Variants in TTLL12 observed in about 807,000 individuals in gnomAD.
TTLL12 encodes the protein tubulin tyrosine ligase like 12.
TTLL12 carries 77 observed loss-of-function variants against 79.6 expected under a neutral mutation model. The observed-to-expected ratio is 0.97, with a 90% CI of 0.81 to 1.17. The LOEUF is 1.17. Among genes scored for constraint, TTLL12 ranks in the 50% most tolerant of loss-of-function variants. The probability of loss-of-function intolerance (pLI) is 0.00; values close to 1 mark genes in which losing one functional copy is unlikely to be tolerated. For missense variants in TTLL12, 969 were observed against 895.9 expected, an observed-to-expected ratio of 1.08 and a Z score of -1.04; for synonymous variants, 437 against 376.1, an observed-to-expected ratio of 1.16 and a Z score of -1.87.
chr22:43,175,476 G>C (rs925766194), intron 6 of TTLL12: 2 of 152,212 alleles, frequency 1.3e-5, no homozygotes, highest in African/African-American at 4.8e-5. Flanking sequence ...CGGTTTCCAG[G>C]ACTGGATGAG....
rs60700368 is a variant in TTLL12, at chr22:43,167,657, A to AC, written c.*350dup. The AC allele has an allele frequency of 0.023, 4,880 of 208,420 alleles. 152 individuals are homozygous for AC. Among genetic ancestry groups the AC allele is most frequent in the African/African-American group, 0.074 (3,227 of 43,352 alleles). The allele number at this position is 208,420 out of a possible 1,614,324, so 12.9% of individuals were successfully genotyped here. ...CGCTCCACGGAACCCTTCCCCCAGC[A>AC]CCCCCTGGAAACACAGCAGCCAGGA... On this transcript the variant is annotated 3_prime_UTR_variant, in exon 14 of 14. Transcript: ENST00000216129.
Position 43,166,875 on chromosome 22 carries a change from G to A in TTLL12, c.*1133C>T, listed in dbSNP as rs1601764008. 5.0e-6 allele frequency: 1 copy of A among 200,684 alleles called. No individual in the cohort carries two copies. Among genetic ancestry groups the A allele is most frequent in the Non-Finnish European group, 9.3e-6 (1 of 107,432 alleles). The allele number at this position is 200,684 out of a possible 1,614,324, so 12.4% of individuals were successfully genotyped here. On this transcript the variant is annotated 3_prime_UTR_variant, in exon 14 of 14. Coordinates refer to ENST00000216129, the MANE Select transcript of TTLL12 (RefSeq NM_015140.4). Reference sequence around the variant, plus strand: ...TTCTTAATTTCAAAGAGGAGACACCGCTACACCTAGCCCTGCCCTCCCATG... The same window carrying A: ...TTCTTAATTTCAAAGAGGAGACACCACTACACCTAGCCCTGCCCTCCCATG...
Position 43,179,767 on chromosome 22 carries a change from G to GCGTGCCC in TTLL12, c.707-16_707-15insGGGCACG, listed in dbSNP as rs1932005462. ...GGTCACCTCCTCTGTGCCAAGACAT[G>GCGTGCCC]AGTGCCCATCAGAGGGGGTGACGGG... On this transcript the variant is annotated splice_polypyrimidine_tract_variant and intron_variant, in intron 4 of 13. Transcript: ENST00000216129. 6.4e-7 allele frequency: 1 copy of GCGTGCCC among 1,557,924 alleles called. No homozygotes were observed. The highest frequency in any genetic ancestry group is 1.2e-5 in the South Asian group (1 of 84,750).
intron 10 of TTLL12, 59 bp downstream of exon 10, chr22:43,172,344 G>A (rs1173891289): frequency 1.4e-5 from 22 of 1,594,334 alleles, no homozygotes; most frequent in Non-Finnish European, 1.8e-5. Flanking sequence ...TCACCCACCC[G>A]CTACCTCCAC....
rs779635735 is a variant in TTLL12 at position 43,179,703 on chromosome 22, C to T, written c.756G>A (p.Arg252=). ...GGGCCCAGGGCAGCAGCATGCACTTCCGGATCAGGGGGTCCGTCTCTCCGT... is the reference window on the plus strand; with the variant it reads ...GGGCCCAGGGCAGCAGCATGCACTTTCGGATCAGGGGGTCCGTCTCTCCGT... ...FAYGETDPLI[R]KCMLLPWAPT... Residue 252 remains arginine (R), a synonymous_variant, in exon 5 of 14, where the codon CGG becomes CGA. Coordinates refer to ENST00000216129, the MANE Select transcript of TTLL12 (RefSeq NM_015140.4). 2 of 1,568,470 alleles carry T rather than the reference C, an allele frequency of 1.3e-6. No individual in the cohort carries two copies. The highest frequency in any genetic ancestry group is 1.4e-5 in the African/African-American group (1 of 73,094).
Position 43,167,607 on chromosome 22 carries a change from C to T in TTLL12, c.*401G>A. The T allele has an allele frequency of 5.3e-6, 1 of 187,322 alleles. No homozygotes were observed. Among genetic ancestry groups the T allele is most frequent in the Non-Finnish European group, 1.1e-5 (1 of 89,144 alleles). The allele number at this position is 187,322 out of a possible 1,614,324, so 11.6% of individuals were successfully genotyped here. ...GGCTCCCAAACGCTTCCCGGTGGAA[C>T]CCTGCTCCCGAGGACACCTTGTCTC... On this transcript the variant is annotated 3_prime_UTR_variant, in exon 14 of 14. Transcript: ENST00000216129.
At position 43,183,077 on chromosome 22, in the gene TTLL12, G is replaced by C. The variant is rs138951; in HGVS notation, c.250C>G (p.Arg84Gly). 2.5e-6 allele frequency: 4 copies of C among 1,613,840 alleles called. No individual in the cohort carries two copies. The East Asian group carries it at 8.9e-5, about 36-fold the overall frequency. Residue 84 changes from arginine (R) to glycine (G), a missense_variant, in exon 2 of 14, where the codon CGG becomes GGG. Coordinates refer to ENST00000216129, the MANE Select transcript of TTLL12 (RefSeq NM_015140.4). ...TTGGGCTGCTGCTTCCGCACCTCCC[G>C]GGCTGCCTCGTCCTCCTCCTCTTCT... ...EVEEEEDEAA[R>G]EVRKQQPNPG...
Position 43,172,678 on chromosome 22 carries a change from A to ACCTG in TTLL12, c.1342-128_1342-125dup, listed in dbSNP as rs59969119. 8.3e-3 allele frequency: 8,860 copies of ACCTG among 1,069,132 alleles called. 533 individuals are homozygous for ACCTG. The African/African-American group carries it at 0.13, about 16-fold the overall frequency. The allele number at this position is 1,069,132 out of a possible 1,614,324, so 66.2% of individuals were successfully genotyped here. ...TTTACTCCTCCTTCTGCCTTTTCAA[A>ACCTG]CCTGCCTAAGTTGCTGCAAAGTCTT... On this transcript the variant is annotated intron_variant, in intron 9 of 13. Transcript: ENST00000216129.
At chr22:43,182,905 G>A in intron 2 of TTLL12, 75 bp downstream of exon 2, 2 of 1,542,148 alleles carry the variant, frequency 1.3e-6, no homozygotes, top group East Asian at 2.3e-5. Flanking sequence ...GCAGGGCCCA[G>A]GAGAATCTGC....
intron 5 of TTLL12, among the ~76,000 whole-genome samples, chr22:43,177,379 A>T (rs1417215125): frequency 4.1e-5 from 6 of 147,542 alleles, no homozygotes; most frequent in African/African-American, 1.5e-4. Flanking sequence ...TTAAAAAATT[A>T]AAAAAAAAAA....
chr22:43,182,467 G>T (rs5996284), intron 2 of TTLL12, among the ~76,000 whole-genome samples: 40 of 152,340 alleles, frequency 2.6e-4, no homozygotes, highest in African/African-American at 9.6e-4. Flanking sequence ...CTGCAGGCCT[G>T]ACCTAGGGAT....
At chr22:43,178,366 G>A (rs1163781022) in intron 5 of TTLL12, among the ~76,000 whole-genome samples, 1 of 149,168 alleles carries the variant, frequency 6.7e-6, no homozygotes, top group Non-Finnish European at 1.5e-5. Context: ...CTGTTTCTCA[G>A]GCTGGAGTGC....
chr22:43,179,256 G>A (rs746593102), intron 5 of TTLL12, among the ~76,000 whole-genome samples: 1 of 152,172 alleles, frequency 6.6e-6, no homozygotes, highest in Admixed American at 6.5e-5. Flanking sequence ...AGGGAGGCAC[G>A]CGATGTGTGA....
chr22:43,182,685 G>A (rs905846724), intron 2 of TTLL12, among the ~76,000 whole-genome samples: 17 of 152,156 alleles, frequency 1.1e-4, no homozygotes, highest in African/African-American at 4.1e-4. Context: ...AACCTGGAGG[G>A]TGACCTCGAG....
chr22:43,172,530 G>C lies in TTLL12; in HGVS notation c.1366C>G (p.Pro456Ala). Residue 456 changes from proline to alanine, a missense_variant, in exon 10 of 14, where the codon CCC becomes GCC. Coordinates refer to ENST00000216129, the MANE Select transcript of TTLL12 (RefSeq NM_015140.4). ...ACGTCTTCTCGAAGGAACAACACGG[G>C]ACTTTCGATGTACTTGGACACAACC... ...PKVVSKYIES[P>A]VLFLREDVGK... The C allele has an allele frequency of 6.2e-7, 1 of 1,614,072 alleles. No individual in the cohort carries two copies. Among genetic ancestry groups the C allele is most frequent in the Non-Finnish European group, 8.5e-7 (1 of 1,180,020 alleles).
intron 6 of TTLL12, among the ~76,000 whole-genome samples, chr22:43,175,047 T>C (rs780962494): frequency 2.0e-5 from 3 of 152,120 alleles, no homozygotes; most frequent in Non-Finnish European, 4.4e-5. Context: ...CCTGGCCAGG[T>C]CACCACAAGA....
chr22:43,168,174 C>T lies in TTLL12; in HGVS notation c.1784-15G>A, dbSNP rs779824416. ...CACCCGCCTTCCTGATGGCAAAGAG[C>T]GCAGCAGAGTGTGAAGGCTCGTTGG... On this transcript the variant is annotated splice_polypyrimidine_tract_variant and intron_variant, in intron 13 of 13. Transcript: ENST00000216129. The T allele has an allele frequency of 1.2e-5, 20 of 1,612,736 alleles. No individual in the cohort carries two copies. Among genetic ancestry groups the T allele is most frequent in the Admixed American group, 1.2e-4 (7 of 59,962 alleles).
chr22:43,168,428 TAA>T (rs5845587), intron 13 of TTLL12, among the ~76,000 whole-genome samples: 4 of 146,650 alleles, frequency 2.7e-5, no homozygotes, highest in Non-Finnish European at 3.0e-5. Flanking sequence ...TTCAGTTTAG[TAA>T]AAAAAAAAAA....
chr22:43,176,068 G>C (rs1198448597), intron 6 of TTLL12, among the ~76,000 whole-genome samples: 1 of 150,906 alleles, frequency 6.6e-6, no homozygotes, highest in Non-Finnish European at 1.5e-5. Context: ...CTGGGTGACA[G>C]AGACAGACTC....
Sources: allele counts gnomAD v4.1 joint callset (sites outside exome capture counted in the v4.1 genomes callset), GRCh38; gene constraint gnomAD v4.1.1; transcripts MANE v1.5; gene names NCBI Gene and HGNC (gene_info 2026-07-23, HGNC 2026-07-21).